DCAF6: variants seen among roughly 807,000 people sequenced by gnomAD.
DCAF6 encodes DDB1- and CUL4-associated factor 6.
In DCAF6, 54 loss-of-function variants were observed where a neutral mutation model predicts 125.1. The observed-to-expected ratio is 0.43, with a 90% confidence interval of 0.35 to 0.54. The LOEUF is 0.54. Ranked by LOEUF, DCAF6 falls within the 20% of genes least tolerant of loss-of-function variation. The probability of loss-of-function intolerance (pLI) is 0.01; values close to 1 mark genes in which losing one functional copy is unlikely to be tolerated. For missense variants in DCAF6, 934 were observed against 1,161.7 expected (o/e 0.80, Z 2.85); for synonymous variants, 371 against 390.4 (o/e 0.95, Z 0.58).
the DCAF6 span, chr1:167,883,683 C>A: frequency 6.4e-7 from 1 of 1,551,132 alleles, no homozygotes; most frequent in Non-Finnish European, 8.9e-7. Context: ...ATCCCTCCCC[C>A]AACACCGCCC....
intron 10 of DCAF6, among the ~76,000 whole-genome samples, chr1:168,010,360 C>A (rs73026169): frequency 6.6e-6 from 1 of 151,774 alleles, no homozygotes; most frequent in Non-Finnish European, 1.5e-5. Flanking sequence ...GAGTTGAATA[C>A]GCAAAATGAA....
the DCAF6 span, chr1:167,920,054 G>C: frequency 6.2e-7 from 1 of 1,612,912 alleles, no homozygotes; most frequent in East Asian, 2.2e-5. Context: ...CCAATTTTTT[G>C]GAATAATTAC....
rs745849322 is a variant in DCAF6, at chr1:168,043,037, A to G, written c.1740A>G (p.Ala580=). 4.3e-6 allele frequency: 7 copies of G among 1,611,738 alleles called. No individual in the cohort carries two copies. In the East Asian group the frequency reaches 1.6e-4, roughly 36 times the overall value. Residue 580 remains alanine, a synonymous_variant, in exon 14 of 22, where the codon GCA becomes GCG. Transcript: ENST00000367840. The part of the protein sequence containing the change: ...LNFTDEWSSI[A]SSSRGIGSHC... ...GTTTTGATGATAGGAGCAGTATAGC[A>G]TCAAGTTCTAGAGGAATTGGGAGCC...
the DCAF6 span, among the ~76,000 whole-genome samples, chr1:167,898,995 G>A: frequency 6.6e-6 from 1 of 152,062 alleles, no homozygotes; most frequent in Non-Finnish European, 1.5e-5. Flanking sequence ...ACTGAACTTC[G>A]CCGCACTTGC....
chr1:167,898,214 G>T, the DCAF6 span, among the ~76,000 whole-genome samples: 1 of 151,606 alleles, frequency 6.6e-6, no homozygotes, highest in African/African-American at 2.4e-5. Context: ...GAAGGTAGGT[G>T]AGGGATATAT....
the DCAF6 span, among the ~76,000 whole-genome samples, chr1:167,896,281 T>C: frequency 3.3e-5 from 5 of 152,172 alleles, no homozygotes; most frequent in East Asian, 9.7e-4. Context: ...TTCCTAGAAG[T>C]TTATTGGTGA....
At chr1:167,963,613 G>C (rs1675961227) in intron 2 of DCAF6, among the ~76,000 whole-genome samples, 1 of 151,908 alleles carries the variant, frequency 6.6e-6, no homozygotes, top group Non-Finnish European at 1.5e-5. Flanking sequence ...TGTTTTAGTA[G>C]AGATGGGGTT....
chr1:168,000,165 G>GT (rs1682372101), intron 7 of DCAF6, among the ~76,000 whole-genome samples: 1 of 152,234 alleles, frequency 6.6e-6, no homozygotes, highest in East Asian at 1.9e-4. Flanking sequence ...CAGCTGGTCA[G>GT]TGAAGCAGTC....
the DCAF6 span, among the ~76,000 whole-genome samples, chr1:167,882,017 C>T: frequency 1.3e-5 from 2 of 152,196 alleles, no homozygotes; most frequent in East Asian, 3.9e-4. Context: ...CCTAGCTTTT[C>T]GTCTTCTATG....
At chr1:167,944,510 G>T (rs1191095056) in intron 1 of DCAF6, among the ~76,000 whole-genome samples, 1 of 152,098 alleles carries the variant, frequency 6.6e-6, no homozygotes, top group Non-Finnish European at 1.5e-5. Context: ...TTCTGACTAG[G>T]ATAAGGTGAT....
intron 21 of DCAF6, among the ~76,000 whole-genome samples, chr1:168,074,649 G>C (rs1476406817): frequency 6.6e-6 from 1 of 152,106 alleles, no homozygotes; most frequent in Non-Finnish European, 1.5e-5. Context: ...AGATATTCTA[G>C]AATGTGGAGG....
chr1:167,980,516 T>C (rs1345581895), intron 4 of DCAF6, among the ~76,000 whole-genome samples: 3 of 152,224 alleles, frequency 2.0e-5, no homozygotes, highest in Non-Finnish European at 2.9e-5. Context: ...TCCAGTGGGC[T>C]TGAAGTTTTA....
the DCAF6 span, among the ~76,000 whole-genome samples, chr1:167,900,357 C>T: frequency 2.6e-5 from 4 of 152,124 alleles, no homozygotes; most frequent in African/African-American, 9.7e-5. Flanking sequence ...TTTGGACTTA[C>T]TCTAAAAAAA....
At chr1:167,960,894 T>G (rs572723369) in intron 2 of DCAF6, among the ~76,000 whole-genome samples, 4 of 152,324 alleles carry the variant, frequency 2.6e-5, no homozygotes, top group African/African-American at 9.6e-5. Flanking sequence ...TGCTGAGATT[T>G]TGATAGGAAT....
chr1:168,046,657 C>A (rs541377474), intron 16 of DCAF6, among the ~76,000 whole-genome samples: 47 of 152,180 alleles, frequency 3.1e-4, no homozygotes, highest in African/African-American at 1.1e-3. Flanking sequence ...TATTTCTTTC[C>A]ATACCCAGAG....
chr1:167,964,092 G>A (rs577094137), intron 2 of DCAF6, among the ~76,000 whole-genome samples: 1 of 152,276 alleles, frequency 6.6e-6, no homozygotes, highest in African/African-American at 2.4e-5. Context: ...TTAAGAATAA[G>A]TAAAATGAAA....
intron 2 of DCAF6, among the ~76,000 whole-genome samples, chr1:167,955,230 A>G (rs576327054): frequency 1.3e-5 from 2 of 152,338 alleles, no homozygotes; most frequent in South Asian, 2.1e-4. Context: ...TAAAGTTGCC[A>G]TGAATATTCG....
the DCAF6 span, chr1:167,875,105 G>C: frequency 1.9e-6 from 3 of 1,605,642 alleles, no homozygotes; most frequent in Admixed American, 5.0e-5. Context: ...CAATAAAGAA[G>C]TTTAAAATCA....
chr1:168,027,255 A>G (rs1367470339), intron 12 of DCAF6, among the ~76,000 whole-genome samples: 1 of 152,088 alleles, frequency 6.6e-6, no homozygotes, highest in Non-Finnish European at 1.5e-5. Flanking sequence ...CCCAATTAAG[A>G]ATTGAAAGAG....
Sources: allele counts gnomAD v4.1 joint callset (sites outside exome capture counted in the v4.1 genomes callset), GRCh38; gene constraint gnomAD v4.1.1; transcripts MANE v1.5; gene names NCBI Gene and HGNC (gene_info 2026-07-23, HGNC 2026-07-21).